The following PKHD1 variants were observed in gnomAD, a reference collection of about 807,000 sequenced individuals.
PKHD1 encodes PKHD1 ciliary IPT domain containing fibrocystin/polyductin, also known as fibrocystin.
Under a neutral mutation model 412.0 loss-of-function variants are expected in PKHD1, and 291 were observed. The ratio of observed to expected loss-of-function variants is 0.71; its 90% CI spans 0.64 to 0.78. PKHD1 has a LOEUF of 0.78. Among genes scored for constraint, PKHD1 ranks in the 30% least tolerant of loss-of-function variants. The pLI, the probability that PKHD1 is intolerant of heterozygous loss-of-function variation, is 0.00. For missense variants in PKHD1, 4,825 were observed against 4,950.7 expected (o/e 0.97, Z 0.76); for synonymous variants, 1,777 against 1,821.5 (o/e 0.98, Z 0.62).
chr6:52,063,311 G>A, intron 13 of PKHD1, among the ~76,000 whole-genome samples: 1 of 152,168 alleles, frequency 6.6e-6, no homozygotes, highest in East Asian at 1.9e-4. Flanking sequence ...TGGAATCCCA[G>A]CTAGACGTGT....
chr6:52,014,503 GGATGGATGGATGGATGGATGGATGGAGA>G (rs1188396842), intron 34 of PKHD1, among the ~76,000 whole-genome samples: 3 of 151,976 alleles, frequency 2.0e-5, no homozygotes, highest in Non-Finnish European at 4.4e-5. Flanking sequence ...GATGGATCAT[GGATGGATGGATGGATGGATGGATGGAGA>G]GATGGATGGA....
At chr6:51,966,400 T>G (rs567786280) in intron 35 of PKHD1, among the ~76,000 whole-genome samples, 1 of 152,298 alleles carries the variant, frequency 6.6e-6, no homozygotes, top group East Asian at 1.9e-4. Context: ...TGCATCTATC[T>G]CTGTGAGCAA....
In PKHD1 at chr6:51,744,463, TC is replaced by T; in HGVS notation, c.10077del (p.Arg3360GlufsTer40). 1 of 1,613,072 alleles carries T rather than the reference TC, an allele frequency of 6.2e-7. No individual in the cohort carries two copies. The highest frequency in any genetic ancestry group is 8.5e-7 in the Non-Finnish European group (1 of 1,179,068). On this transcript the variant is annotated frameshift_variant, in exon 60 of 67. Coordinates refer to ENST00000371117, the MANE Select transcript of PKHD1 (RefSeq NM_138694.4). LOFTEE classifies it high-confidence loss of function. ...ACTGGTGGAGGCAGACCCAGGGCTCTCCCATCCAGATCCTTGAAGAGATATT... is the reference window on the plus strand; with the variant it reads ...ACTGGTGGAGGCAGACCCAGGGCTCTCCATCCAGATCCTTGAAGAGATATT... ...PRKYLFKDLDGRALGLPPPVS... is the reference protein window; with the variant it reads ...PRKYLFKDLDXRALGLPPPVS...
chr6:51,944,720 G>T (rs879934264), intron 36 of PKHD1, among the ~76,000 whole-genome samples: 2 of 152,116 alleles, frequency 1.3e-5, no homozygotes, highest in Non-Finnish European at 2.9e-5. Flanking sequence ...TGGTGTGGAG[G>T]GCCTTGCATC....
chr6:52,082,897 A>G (rs544356962), intron 3 of PKHD1, among the ~76,000 whole-genome samples: 1 of 152,294 alleles, frequency 6.6e-6, no homozygotes, highest in East Asian at 1.9e-4. Context: ...GCTGAGCACT[A>G]TGCTACACAC....
At chr6:52,058,188 A>G (rs2128211709) in intron 16 of PKHD1, 135 bp downstream of exon 16, 1 of 794,076 alleles carries the variant, frequency 1.3e-6, no homozygotes, top group South Asian at 1.4e-5. Context: ...AATGCTGTTA[A>G]AGAGATATCC....
chr6:51,897,334 C>T (rs998292967), intron 43 of PKHD1, among the ~76,000 whole-genome samples: 28 of 152,142 alleles, frequency 1.8e-4, no homozygotes, highest in Admixed American at 1.3e-3. Flanking sequence ...ACCCTACAAG[C>T]CAGAAGAGTG....
chr6:51,858,974 A>G, intron 48 of PKHD1, among the ~76,000 whole-genome samples: 1 of 152,202 alleles, frequency 6.6e-6, no homozygotes, highest in East Asian at 1.9e-4. Context: ...GGACAAACAT[A>G]GTCAGTGGTC....
At chr6:51,805,442 G>T (rs1369425689) in intron 52 of PKHD1, among the ~76,000 whole-genome samples, 2 of 152,036 alleles carry the variant, frequency 1.3e-5, no homozygotes, top group Non-Finnish European at 2.9e-5. Context: ...TCACTACCTG[G>T]GTGAAAGGAT....
At chr6:51,651,041 T>A (rs1341076317) in intron 61 of PKHD1, among the ~76,000 whole-genome samples, 1 of 152,154 alleles carries the variant, frequency 6.6e-6, no homozygotes, top group Non-Finnish European at 1.5e-5. Flanking sequence ...CAGTCTGGGT[T>A]AAAGAGACTG....
At chr6:51,682,308 A>G (rs761481467) in intron 60 of PKHD1, 17 of 443,306 alleles carry the variant, frequency 3.8e-5, no homozygotes, top group African/African-American at 1.0e-4. Flanking sequence ...TACATAATTT[A>G]TCATAATATT....
intron 48 of PKHD1, 63 bp from the exon 49 acceptor site, chr6:51,856,133 T>A (rs1172298483): frequency 1.4e-5 from 13 of 940,508 alleles, no homozygotes; most frequent in Non-Finnish European, 2.1e-5. Flanking sequence ...CTGAATCCAA[T>A]ACATTCCTCT....
Position 52,035,675 on chromosome 6 carries a change from G to GC in PKHD1, c.3143dup (p.Ser1048ArgfsTer77), listed in dbSNP as rs770049053. On this transcript the variant is annotated frameshift_variant, in exon 28 of 67. Transcript: ENST00000371117. LOFTEE classifies it high-confidence loss of function. ...ACGAGTAAGATCCAAATAATATCAG[G>GC]CTAACACCTTCCAAACTAGAGCCTC... The GC allele has an allele frequency of 6.2e-7, 1 of 1,613,766 alleles. No individual in the cohort carries two copies. Among genetic ancestry groups the GC allele is most frequent in the South Asian group, 1.1e-5 (1 of 91,074 alleles).
chr6:52,072,493 C>A (rs1359451868), intron 7 of PKHD1, among the ~76,000 whole-genome samples: 2 of 151,852 alleles, frequency 1.3e-5, no homozygotes, highest in African/African-American at 4.9e-5. Context: ...TGCCTTTATT[C>A]CCCCTTTCAA....
At chr6:51,819,713 C>A (rs1372829843) in intron 52 of PKHD1, among the ~76,000 whole-genome samples, 1 of 152,168 alleles carries the variant, frequency 6.6e-6, no homozygotes, top group African/African-American at 2.4e-5. Context: ...TAAATAGTTG[C>A]TGAATAAATG....
intron 35 of PKHD1, among the ~76,000 whole-genome samples, chr6:51,989,904 GAA>G (rs1284932840): frequency 6.5e-5 from 5 of 76,460 alleles, no homozygotes; most frequent in Non-Finnish European, 1.1e-4. Flanking sequence ...AAGGAGGGAG[GAA>G]GGAAGGAAGG....
rs529852048 is a variant in PKHD1 at position 51,772,929 on chromosome 6, CA to C, written c.8555-141del. Reference sequence around the variant, plus strand: ...TATGAAGGTCCCATATTATCAAAAGCATTATTTAAATGCTCTATTTTACAAT... The same window carrying C: ...TATGAAGGTCCCATATTATCAAAAGCTTATTTAAATGCTCTATTTTACAAT... On this transcript the variant is annotated intron_variant, in intron 54 of 66. Coordinates refer to ENST00000371117, the MANE Select transcript of PKHD1 (RefSeq NM_138694.4). The C allele has an allele frequency of 5.1e-4, 342 of 664,288 alleles. 2 individuals carry two copies. In the African/African-American group the frequency reaches 5.5e-3, roughly 11 times the overall value. The allele number at this position is 664,288 out of a possible 1,614,324, so 41.1% of individuals were successfully genotyped here.
intron 36 of PKHD1, among the ~76,000 whole-genome samples, chr6:51,956,521 G>C (rs916095576): frequency 6.6e-5 from 10 of 152,076 alleles, no homozygotes; most frequent in Non-Finnish European, 1.5e-4. Context: ...ACCCTGAAGA[G>C]ACAACAGTAA....
chr6:51,866,216 T>C (rs184968097), intron 48 of PKHD1, among the ~76,000 whole-genome samples: 146 of 152,244 alleles, frequency 9.6e-4, no homozygotes, highest in Non-Finnish European at 1.5e-3. Flanking sequence ...TATTTGTCCA[T>C]AGACCTGTGA....
Sources: allele counts gnomAD v4.1 joint callset (sites outside exome capture counted in the v4.1 genomes callset), GRCh38; gene constraint gnomAD v4.1.1; transcripts MANE v1.5; gene names NCBI Gene and HGNC (gene_info 2026-07-23, HGNC 2026-07-21).